FMNL2: variants seen among roughly 807,000 people sequenced by gnomAD.
The protein encoded by FMNL2 is formin like 2.
A neutral mutation model predicts 130.2 loss-of-function variants in FMNL2; 51 were observed. The observed-to-expected ratio is 0.39, with a 90% CI of 0.31 to 0.49. The LOEUF (loss-of-function observed/expected upper bound fraction) is 0.49. Among genes scored for constraint, FMNL2 ranks in the 20% least tolerant of loss-of-function variants. FMNL2 has a pLI of 0.85. For missense variants in FMNL2, 977 were observed against 1,316.2 expected (o/e 0.74, Z 3.99); for synonymous variants, 465 against 467.1 (o/e 1.00, Z 0.06).
chr2:152,615,842 A>G (rs1442197387), intron 12 of FMNL2, among the ~76,000 whole-genome samples: 3 of 152,046 alleles, frequency 2.0e-5, no homozygotes, highest in Admixed American at 6.6e-5. Flanking sequence ...TTTTCTCCAC[A>G]TGTTTTTTAA....
chr2:152,346,355 A>G (rs1579440987), intron 1 of FMNL2, among the ~76,000 whole-genome samples: 1 of 152,244 alleles, frequency 6.6e-6, no homozygotes, highest in Non-Finnish European at 1.5e-5. Context: ...AGTAATTATC[A>G]GAAGTTCTGG....
intron 25 of FMNL2, 29 bp downstream of exon 25, chr2:152,640,943 T>C (rs1051836820): frequency 1.5e-5 from 24 of 1,612,292 alleles, no homozygotes; most frequent in Non-Finnish European, 2.0e-5. Flanking sequence ...CTGTGGCCCA[T>C]GGAGATCCCA....
intron 1 of FMNL2, among the ~76,000 whole-genome samples, chr2:152,359,494 TCA>T (rs1560296282): frequency 3.4e-5 from 5 of 147,878 alleles, no homozygotes; most frequent in African/African-American, 2.5e-5. Flanking sequence ...TTTTTTTTTT[TCA>T]CATAACAGGT....
chr2:152,634,668 G>A (rs899237262), intron 21 of FMNL2, among the ~76,000 whole-genome samples: 1 of 152,208 alleles, frequency 6.6e-6, no homozygotes, highest in Non-Finnish European at 1.5e-5. Flanking sequence ...AAGAGGTCAG[G>A]TGAATATGGC....
intron 10 of FMNL2, among the ~76,000 whole-genome samples, chr2:152,610,411 C>A (rs181972457): frequency 2.6e-5 from 4 of 152,206 alleles, no homozygotes; most frequent in African/African-American, 9.6e-5. Flanking sequence ...TAGGACACAG[C>A]GTCACCCCCC....
At chr2:152,464,029 T>C (rs1161026582) in intron 1 of FMNL2, among the ~76,000 whole-genome samples, 3 of 152,144 alleles carry the variant, frequency 2.0e-5, no homozygotes, top group African/African-American at 7.2e-5. Context: ...GACTCGCAGG[T>C]TCAAGCGATT....
chr2:152,390,555 G>A (rs3890370), intron 1 of FMNL2: 145,859 of 1,475,946 alleles, frequency 0.099, 8,178 homozygotes, highest in East Asian at 0.17. Context: ...AATCTCAGAC[G>A]AACAGAAGAA....
intron 10 of FMNL2, among the ~76,000 whole-genome samples, chr2:152,609,868 A>G (rs1224444261): frequency 7.2e-5 from 11 of 152,226 alleles, no homozygotes. Flanking sequence ...CCTCCTTGCC[A>G]GAGACTCTCC....
intron 17 of FMNL2, among the ~76,000 whole-genome samples, chr2:152,626,973 T>A (rs1036292717): frequency 2.0e-5 from 3 of 152,206 alleles, no homozygotes; most frequent in African/African-American, 7.2e-5. Flanking sequence ...AACCAGTAAC[T>A]AATTGTTTTA....
chr2:152,536,945 G>C (rs924863415), intron 2 of FMNL2, among the ~76,000 whole-genome samples: 1 of 152,154 alleles, frequency 6.6e-6, no homozygotes, highest in Non-Finnish European at 1.5e-5. Context: ...TCATGTAATT[G>C]GATAGAGAGG....
chr2:152,579,713 A>G (rs1036837060), intron 8 of FMNL2, among the ~76,000 whole-genome samples: 1 of 151,948 alleles, frequency 6.6e-6, no homozygotes, highest in East Asian at 2.0e-4. Context: ...ATAAAGAAAG[A>G]AAGAAATAGA....
intron 1 of FMNL2, among the ~76,000 whole-genome samples, chr2:152,505,165 C>T (rs537481463): frequency 1.3e-5 from 2 of 151,332 alleles, no homozygotes; most frequent in African/African-American, 4.9e-5. Context: ...TTTTTTAAAC[C>T]CTGAAGCATG....
At chr2:152,523,615 T>C (rs534725164) in intron 2 of FMNL2, among the ~76,000 whole-genome samples, 36 of 152,370 alleles carry the variant, frequency 2.4e-4, no homozygotes, top group African/African-American at 7.5e-4. Context: ...ATAGGCATTG[T>C]ACAAATTAGT....
chr2:152,578,257 G>A (rs1696582847), intron 7 of FMNL2, among the ~76,000 whole-genome samples: 1 of 152,106 alleles, frequency 6.6e-6, no homozygotes, highest in Non-Finnish European at 1.5e-5. Context: ...TGAATTTTGT[G>A]GGGTGTGAGG....
At chr2:152,522,998 C>T (rs1273636833) in intron 2 of FMNL2, among the ~76,000 whole-genome samples, 3 of 152,016 alleles carry the variant, frequency 2.0e-5, no homozygotes, top group Admixed American at 2.0e-4. Context: ...ACAGGACACC[C>T]CCGGGCCCCA....
chr2:152,546,788 T>G (rs1414689361), intron 3 of FMNL2, among the ~76,000 whole-genome samples: 3 of 152,032 alleles, frequency 2.0e-5, no homozygotes, highest in Non-Finnish European at 4.4e-5. Context: ...ACCCTAGAAT[T>G]TTTTGTCTCC....
At chr2:152,526,396 C>G (rs1340656983) in intron 2 of FMNL2, among the ~76,000 whole-genome samples, 1 of 152,166 alleles carries the variant, frequency 6.6e-6, no homozygotes, top group African/African-American at 2.4e-5. Flanking sequence ...CCTTTCCCTC[C>G]TTTTTGCTCC....
rs1399166754 is a variant in FMNL2, at chr2:152,549,124, C to T, written c.359+27C>T. 2.7e-6 allele frequency: 4 copies of T among 1,506,092 alleles called. No individual in the cohort carries two copies. The African/African-American group carries it at 5.6e-5, about 21-fold the overall frequency. 93.3% of individuals were successfully genotyped at this position (1,506,092 alleles called of 1,614,324 possible). On this transcript the variant is annotated intron_variant, in intron 4 of 25. Transcript: ENST00000288670. ...TAAGTATACCCCTTTAACATCTTAGCTCTAAAGCTTTTGGACACTTTACAA... is the reference window on the plus strand; with the variant it reads ...TAAGTATACCCCTTTAACATCTTAGTTCTAAAGCTTTTGGACACTTTACAA...
At chr2:152,348,572 T>C (rs1214735428) in intron 1 of FMNL2, among the ~76,000 whole-genome samples, 1 of 152,214 alleles carries the variant, frequency 6.6e-6, no homozygotes, top group Non-Finnish European at 1.5e-5. Context: ...TAGATTCTTA[T>C]TCATCTTGGT....
Sources: gnomAD v4.1 joint callset for allele counts (sites outside exome capture counted in the v4.1 genomes callset) on GRCh38, gnomAD v4.1.1 for gene constraint, MANE v1.5 for transcripts, NCBI Gene and HGNC (gene_info 2026-07-23, HGNC 2026-07-21) for gene names.